The following DDX42 variants were observed in gnomAD, a reference collection of about 807,000 sequenced individuals.
DDX42 encodes DEAD-box helicase 42, also known as ATP-dependent RNA helicase DDX42.
DDX42 carries 22 observed loss-of-function variants against 101.5 expected under a neutral mutation model. That is an observed-to-expected ratio of 0.22 (90% confidence interval 0.15 to 0.31). The LOEUF (loss-of-function observed/expected upper bound fraction) is 0.31. DDX42 is among the 10% of genes least tolerant of loss of function. DDX42 has a pLI of 1.00. For missense variants in DDX42, 849 were observed against 1,199.9 expected (o/e 0.71, Z 4.32); for synonymous variants, 402 against 401.2 (o/e 1.00, Z -0.02).
intron 4 of DDX42, among the ~76,000 whole-genome samples, chr17:63,798,872 A>G (rs969626921): frequency 6.6e-6 from 1 of 152,126 alleles, no homozygotes; most frequent in Non-Finnish European, 1.5e-5. Context: ...ACTGTATGTC[A>G]TATCCCCTTC....
Position 63,811,064 on chromosome 17 carries a change from C to T in DDX42, c.1301-12C>T, listed in dbSNP as rs1411940804. Reference sequence around the variant, plus strand: ...ATATTGTTTCTCTAACAGAATTTATCTTACCTTTTAGCTCTCTTATTTAGT... The same window carrying T: ...ATATTGTTTCTCTAACAGAATTTATTTTACCTTTTAGCTCTCTTATTTAGT... On this transcript the variant is annotated splice_polypyrimidine_tract_variant and intron_variant, in intron 12 of 17. Transcript: ENST00000389924. 1.9e-6 allele frequency: 3 copies of T among 1,609,676 alleles called. No individual in the cohort carries two copies. Among genetic ancestry groups the T allele is most frequent in the Middle Eastern group, 1.7e-4 (1 of 6,048 alleles).
intron 2 of DDX42, 144 bp downstream of exon 2, chr17:63,787,414 ATAAGT>A (rs2039560048): frequency 2.2e-6 from 2 of 915,596 alleles, no homozygotes; most frequent in Admixed American, 5.6e-5. Context: ...ATTGTTCCTA[ATAAGT>A]TAAATTATCA....
intron 2 of DDX42, among the ~76,000 whole-genome samples, chr17:63,790,755 A>G (rs1020300288): frequency 1.3e-5 from 2 of 151,226 alleles, no homozygotes; most frequent in Admixed American, 1.3e-4. Flanking sequence ...GCAAGACTCC[A>G]TCTCAAAAAC....
At chr17:63,793,380 G>T (rs1393056250) in intron 3 of DDX42, among the ~76,000 whole-genome samples, 1 of 151,896 alleles carries the variant, frequency 6.6e-6, no homozygotes, top group East Asian at 1.9e-4. Flanking sequence ...TGATCCTCCT[G>T]CCTCAGCCTC....
In DDX42 at chr17:63,816,849, G is replaced by T; in HGVS notation, c.2014-19G>T. 1.9e-6 allele frequency: 3 copies of T among 1,600,076 alleles called. No individual in the cohort carries two copies. Among genetic ancestry groups the T allele is most frequent in the Non-Finnish European group, 2.6e-6 (3 of 1,171,316 alleles). On this transcript the variant is annotated intron_variant, in intron 16 of 17. Coordinates refer to ENST00000389924, the MANE Select transcript of DDX42 (RefSeq NM_203499.3). Reference sequence around the variant, plus strand: ...TCCTGCTTATTTTTTCATTCTCATAGATGTGTTTATTTTTTTAGGATCGAG... The same window carrying T: ...TCCTGCTTATTTTTTCATTCTCATATATGTGTTTATTTTTTTAGGATCGAG...
At position 63,796,595 on chromosome 17, in the gene DDX42, C is replaced by T. The variant is rs150448116; in HGVS notation, c.373-1443C>T. Among the ~76,000 whole-genome samples the T allele has an allele frequency of 3.4e-4, 52 of 152,324 alleles. No individual in the cohort carries two copies. In the East Asian group the frequency reaches 7.7e-3, roughly 23 times the overall value. Reference sequence around the variant, plus strand: ...CCTCCCAAGGTGCTGGGATTACGGGCGTGAGCCACCGCACCCGGCCCAGAT... The same window carrying T: ...CCTCCCAAGGTGCTGGGATTACGGGTGTGAGCCACCGCACCCGGCCCAGAT... On this transcript the variant is annotated intron_variant, in intron 3 of 17. Transcript: ENST00000389924.
At chr17:63,786,526 G>C (rs1018168892) in intron 1 of DDX42, among the ~76,000 whole-genome samples, 6 of 152,346 alleles carry the variant, frequency 3.9e-5, no homozygotes, top group Non-Finnish European at 8.8e-5. Flanking sequence ...CTGGGTTCAA[G>C]TAGTCTTCCT....
intron 7 of DDX42, 127 bp from the exon 8 acceptor site, chr17:63,806,408 G>C: frequency 3.9e-6 from 4 of 1,021,356 alleles, no homozygotes; most frequent in Non-Finnish European, 5.4e-6. Flanking sequence ...GTATGATTTT[G>C]GCTTACAGAC....
intron 17 of DDX42, 85 bp from the exon 18 acceptor site, chr17:63,817,609 G>A: frequency 7.4e-7 from 1 of 1,352,638 alleles, no homozygotes; most frequent in South Asian, 1.3e-5. Context: ...CAGAGTTTCT[G>A]TAAACCTCAT....
intron 7 of DDX42, chr17:63,805,453 C>G: frequency 3.7e-6 from 1 of 270,400 alleles, no homozygotes; most frequent in Non-Finnish European, 6.9e-6. Flanking sequence ...GTGGGAGTCC[C>G]CATCTAAAGG....
At chr17:63,796,472 ATGC>A (rs1275791087) in intron 3 of DDX42, among the ~76,000 whole-genome samples, 2 of 152,142 alleles carry the variant, frequency 1.3e-5, no homozygotes, top group Non-Finnish European at 2.9e-5. Flanking sequence ...ATGTGCCACC[ATGC>A]TTGGCTAATT....
In DDX42 at chr17:63,790,147, T is replaced by TA. The variant is rs571709012; in HGVS notation, c.222-2258dup. Among the ~76,000 whole-genome samples the TA allele has an allele frequency of 5.7e-4, 86 of 152,072 alleles. 2 individuals are homozygous for TA. The highest frequency in any genetic ancestry group is 3.4e-3 in the Middle Eastern group (1 of 294). On this transcript the variant is annotated intron_variant, in intron 2 of 17. Coordinates refer to ENST00000389924, the MANE Select transcript of DDX42 (RefSeq NM_203499.3). ...GTATGTCAGAGTGAGACTCTGTCTC[T>TA]AAAAAAACAAACAAAAAACTAAAAA... is the stretch of plus-strand genomic sequence containing the variant.
rs1567747930 is a variant in DDX42 at position 63,816,911 on chromosome 17, A to G, written c.2057A>G (p.Lys686Arg). 3 of 1,613,906 alleles carry G rather than the reference A, an allele frequency of 1.9e-6. No individual in the cohort carries two copies. In the African/African-American group the frequency reaches 4.0e-5, roughly 22 times the overall value. ...NNVMSNYEAY[K>R]PSTGAMGDRL... ...GTAATGAGCAATTATGAGGCCTACA[A>G]GCCTTCCACAGGAGCTATGGGAGAT... The change falls in exon 17 of 18, where the codon AAG becomes AGG. Residue 686 changes from lysine (K) to arginine (R), a missense_variant. Physicochemically the swap from Lys to Arg is conservative, Grantham distance 26 (BLOSUM62 2). This residue lies in a region of DDX42 where 86 missense variants were observed against 160.8 expected (regional missense o/e 0.53). Coordinates refer to ENST00000389924, the MANE Select transcript of DDX42 (RefSeq NM_203499.3).
At chr17:63,801,216 A>AT (rs2039765079) in intron 6 of DDX42, among the ~76,000 whole-genome samples, 1 of 151,636 alleles carries the variant, frequency 6.6e-6, no homozygotes, top group Non-Finnish European at 1.5e-5. Context: ...TGCCTGGCTA[A>AT]TTTTTTTTAA....
intron 8 of DDX42, among the ~76,000 whole-genome samples, chr17:63,807,086 A>G (rs752764421): frequency 6.6e-6 from 1 of 152,002 alleles, no homozygotes; most frequent in Non-Finnish European, 1.5e-5. Context: ...AGGGGGGAAA[A>G]TTTTTAAAAT....
chr17:63,801,037 T>C lies in DDX42; in HGVS notation c.621+420T>C, dbSNP rs963533704. On this transcript the variant is annotated intron_variant, in intron 6 of 17. Transcript: ENST00000389924. Reference sequence around the variant, plus strand: ...TCTTCTTTCTTTCTTCTCTTCTCTTTCTTCTCTTTTATTTTCTTTCTTCTT... The same window carrying C: ...TCTTCTTTCTTTCTTCTCTTCTCTTCCTTCTCTTTTATTTTCTTTCTTCTT... Among the ~76,000 whole-genome samples the C allele has an allele frequency of 3.3e-5, 5 of 151,586 alleles. No individual in the cohort carries two copies. The South Asian group carries it at 1.0e-3, about 32-fold the overall frequency.
chr17:63,799,763 A>G (rs1014021924), intron 5 of DDX42, 138 bp downstream of exon 5: 51 of 775,968 alleles, frequency 6.6e-5, no homozygotes, highest in Non-Finnish European at 1.0e-4. Flanking sequence ...CTCCTTTTGT[A>G]CCTGTGTGAC....
intron 15 of DDX42, among the ~76,000 whole-genome samples, chr17:63,814,675 CTTTTTTTTTTTTTT>C (rs58211962): frequency 1.1e-5 from 1 of 90,458 alleles, no homozygotes; most frequent in Admixed American, 1.5e-4. Flanking sequence ...GAGACATTTG[CTTTTTTTTTTTTTT>C]TTTTTTTTTC....
At chr17:63,789,553 G>GTT (rs1567732957) in intron 2 of DDX42, among the ~76,000 whole-genome samples, 6 of 28,638 alleles carry the variant, frequency 2.1e-4, no homozygotes, top group African/African-American at 5.7e-4. Context: ...AGACTTTTTT[G>GTT]TTTTTGTTTT....
Sources: gnomAD v4.1 joint callset for allele counts (sites outside exome capture counted in the v4.1 genomes callset) on GRCh38, gnomAD v4.1.1 for gene constraint, gnomAD v4.1.1 regional missense constraint, MANE v1.5 for transcripts, NCBI Gene and HGNC (gene_info 2026-07-23, HGNC 2026-07-21) for gene names.